The following SUN2 variants were observed in gnomAD, a reference collection of about 807,000 sequenced individuals.
SUN2 encodes the protein SUN domain-containing protein 2.
A neutral mutation model predicts 100.0 loss-of-function variants in SUN2; 60 were observed. The ratio of observed to expected loss-of-function variants is 0.60; its 90% CI spans 0.49 to 0.74. The LOEUF is 0.74. Ranked by LOEUF, SUN2 falls within the 30% of genes least tolerant of loss-of-function variation. The pLI, the probability that SUN2 is intolerant of heterozygous loss-of-function variation, is 0.00. For synonymous variants in SUN2, 367 were observed against 403.3 expected (o/e 0.91, Z 1.08); for missense variants, 834 against 954.6 (o/e 0.87, Z 1.66).
At position 38,739,028 on chromosome 22, in the gene SUN2, G is replaced by C; in HGVS notation, c.1664-40C>G. On this transcript the variant is annotated intron_variant, in intron 14 of 17. Transcript: ENST00000689035. The surrounding 1 kb of genome is among the most constrained non-coding windows in gnomAD (Gnocchi z 6.7). ...GAAGGCAGGGTGGGCTCCCGCACGG[G>C]AGGAGGGCCCCGCTCAGGCCATTGG... 4.5e-6 allele frequency: 7 copies of C among 1,567,848 alleles called. No individual in the cohort carries two copies. Among genetic ancestry groups the C allele is most frequent in the East Asian group, 2.4e-5 (1 of 42,412 alleles).
At chr22:38,736,416 A>G in intron 17 of SUN2, 36 bp from the exon 18 acceptor site, 1 of 1,549,404 alleles carries the variant, frequency 6.5e-7, no homozygotes, top group Non-Finnish European at 8.8e-7. Flanking sequence ...AGCATCAGAG[A>G]CCTGTGAGGC....
At chr22:38,743,853 A>G (rs965568344) in intron 8 of SUN2, 1 of 152,260 alleles carries the variant, frequency 6.6e-6, no homozygotes, top group African/African-American at 2.4e-5. Flanking sequence ...TTGTAAAATA[A>G]TAAGATCATG....
Position 38,750,301 on chromosome 22 carries a change from C to T in SUN2, c.444G>A (p.Gln148=). The T allele has an allele frequency of 6.2e-7, 1 of 1,613,980 alleles. No homozygotes were observed. Among genetic ancestry groups the T allele is most frequent in the Non-Finnish European group, 8.5e-7 (1 of 1,180,026 alleles). ...TTCGGAGCCGCGAGCTGGAACTCTG[C>T]TGGTCCACATCCGAGTAGCCTGCGG... ...DDYVGYSDVD[Q]QSSSSRLRSA... The change falls in exon 5 of 18, where the codon CAG becomes CAA. Residue 148 remains glutamine (Q), a synonymous_variant. Coordinates refer to ENST00000689035, the MANE Select transcript of SUN2 (RefSeq NM_015374.3).
chr22:38,740,220 A>C lies in SUN2; in HGVS notation c.1356+47T>G, dbSNP rs767869816. Reference sequence around the variant, plus strand: ...TGCAGGCCCCAGGACACGTCGTCTCAAAGGAGGAGGAGAGGGACCAGCAGG... The same window carrying C: ...TGCAGGCCCCAGGACACGTCGTCTCCAAGGAGGAGGAGAGGGACCAGCAGG... On this transcript the variant is annotated intron_variant, in intron 12 of 17. Transcript: ENST00000689035. This position sits in a 1 kb window ranked among gnomAD's most constrained non-coding sequence, Gnocchi z 4.8. 8 of 1,493,472 alleles carry C rather than the reference A, an allele frequency of 5.4e-6. No homozygotes were observed. The highest frequency in any genetic ancestry group is 7.2e-6 in the Non-Finnish European group (8 of 1,118,684). The allele number at this position is 1,493,472 out of a possible 1,614,324, so 92.5% of individuals were successfully genotyped here.
intron 1 of SUN2, 94 bp from the exon 2 acceptor site, chr22:38,752,759 C>G: frequency 7.2e-7 from 1 of 1,387,830 alleles, no homozygotes. Flanking sequence ...GCCTCACAGC[C>G]GAGAACAGAC....
rs150115207 is a variant in SUN2, at chr22:38,739,908, G to A, written c.1392C>T (p.Phe464=). 16 of 1,612,530 alleles carry A rather than the reference G, an allele frequency of 9.9e-6. No homozygotes were observed. Among genetic ancestry groups the A allele is most frequent in the South Asian group, 2.2e-5 (2 of 91,094 alleles). Residue 464 remains phenylalanine (F), a synonymous_variant, in exon 13 of 18, where the codon TTC becomes TTT. Transcript: ENST00000689035. The surrounding 1 kb of genome is among the most constrained non-coding windows in gnomAD (Gnocchi z 6.7). ...ESQFPAWISQ[F]LARGGGGRVG... ...CGCGGCCCCCTCCACCTCGGGCAAG[G>A]AACTGACTGATCCAGGCCGGGAACT...
At chr22:38,754,606 C>T in intron 1 of SUN2, 5 of 441,314 alleles carry the variant, frequency 1.1e-5, no homozygotes, top group Admixed American at 2.6e-5. Context: ...GGTAATCTCC[C>T]CTCCCCCCTC....
Position 38,748,695 on chromosome 22 carries a change from C to T in SUN2, c.685+18G>A. The stretch of plus-strand genomic sequence containing the variant: ...ACACATCTCTGTGCCTCCCTCTGCT[C>T]TCCCCATGCAGGCTCACCATACGTC... On this transcript the variant is annotated intron_variant, in intron 7 of 17. Transcript: ENST00000689035. 6.2e-7 allele frequency: 1 copy of T among 1,614,152 alleles called. No homozygotes were observed. Among genetic ancestry groups the T allele is most frequent in the Non-Finnish European group, 8.5e-7 (1 of 1,179,972 alleles).
At position 38,741,029 on chromosome 22, in the gene SUN2, G is replaced by GGA; in HGVS notation, c.1167_1168insTC (p.Gln390SerfsTer3). ...TACCTTTGCCACTCTGACTTCAGCT[G>GGA]CTGGATGCGAGCCTCGGACTCCTGT... On this transcript the variant is annotated frameshift_variant, in exon 11 of 18. Coordinates refer to ENST00000689035, the MANE Select transcript of SUN2 (RefSeq NM_015374.3). LOFTEE classifies it high-confidence loss of function. 1 of 1,598,458 alleles carries GGA rather than the reference G, an allele frequency of 6.3e-7. No individual in the cohort carries two copies.
At position 38,739,479 on chromosome 22, in the gene SUN2, T is replaced by C. The variant is rs576113420; in HGVS notation, c.1579-53A>G. On this transcript the variant is annotated intron_variant, in intron 13 of 17. Coordinates refer to ENST00000689035, the MANE Select transcript of SUN2 (RefSeq NM_015374.3). The surrounding 1 kb of genome is among the most constrained non-coding windows in gnomAD (Gnocchi z 6.7). Reference sequence around the variant, plus strand: ...GCAGCAGGGAGCAGACGTGTCCCCCTGTCACCTCGTGGCCGTGGGCCAAGG... The same window carrying C: ...GCAGCAGGGAGCAGACGTGTCCCCCCGTCACCTCGTGGCCGTGGGCCAAGG... 6.3e-7 allele frequency: 1 copy of C among 1,589,998 alleles called. No homozygotes were observed. The highest frequency in any genetic ancestry group is 1.3e-5 in the African/African-American group (1 of 74,512).
chr22:38,747,255 C>G (rs1211453283), intron 7 of SUN2, among the ~76,000 whole-genome samples: 1 of 151,556 alleles, frequency 6.6e-6, no homozygotes, highest in Non-Finnish European at 1.5e-5. Context: ...TCGCTTGAAC[C>G]CGGGAGGTGG....
At chr22:38,741,468 G>A (rs1306996045) in intron 10 of SUN2, 26 bp downstream of exon 10, 1 of 1,610,994 alleles carries the variant, frequency 6.2e-7, no homozygotes, top group African/African-American at 1.3e-5. Context: ...CCAGTCACAG[G>A]CCCTGAGTGC....
At chr22:38,743,774 T>G (rs2092879743) in intron 8 of SUN2, 1 of 152,224 alleles carries the variant, frequency 6.6e-6, no homozygotes, top group Non-Finnish European at 1.5e-5. Flanking sequence ...AAGATGGTTC[T>G]GAAATTGAAC....
chr22:38,749,137 C>T lies in SUN2; in HGVS notation c.615-354G>A, dbSNP rs2092925094. On this transcript the variant is annotated intron_variant, in intron 6 of 17. Coordinates refer to ENST00000689035, the MANE Select transcript of SUN2 (RefSeq NM_015374.3). ...ACAACAAGGAACCTGTTTTTGGTGA[C>T]ACAAACCCATCCTTGCCCCTTGTTT... 3 of 240,442 alleles carry T rather than the reference C, an allele frequency of 1.2e-5. No homozygotes were observed. In the South Asian group the frequency reaches 2.4e-4, roughly 19 times the overall value. 14.9% of individuals were successfully genotyped at this position (240,442 alleles called of 1,614,324 possible). A position where few individuals can be genotyped will look rare whatever the true frequency, so the allele number is the denominator to read the frequency against.
Position 38,745,825 on chromosome 22 carries a change from A to C in SUN2, c.686-14T>G, listed in dbSNP as rs1208173941. On this transcript the variant is annotated splice_polypyrimidine_tract_variant and intron_variant, in intron 7 of 17. Transcript: ENST00000689035. ...AATACCAAGCACCTGTGCACAGGGG[A>C]GAGGGTGTTACCCCAGCTGGGCCTC... 1 of 1,612,660 alleles carries C rather than the reference A, an allele frequency of 6.2e-7. No individual in the cohort carries two copies. The highest frequency in any genetic ancestry group is 1.3e-5 in the African/African-American group (1 of 75,062).
chr22:38,736,530 C>T, intron 17 of SUN2, 150 bp from the exon 18 acceptor site: 1 of 591,488 alleles, frequency 1.7e-6, no homozygotes, highest in Non-Finnish European at 2.9e-6. Flanking sequence ...TTCAAAAGCT[C>T]CTATCTTTAG....
chr22:38,749,088 A>G (rs2092924857), intron 6 of SUN2: 1 of 325,016 alleles, frequency 3.1e-6, no homozygotes. Context: ...GCAAATATAG[A>G]AAAAAAAAGT....
intron 8 of SUN2, 32 bp downstream of exon 8, chr22:38,745,652 G>A (rs745501499): frequency 4.7e-5 from 75 of 1,610,922 alleles, no homozygotes; most frequent in Non-Finnish European, 6.0e-5. Context: ...TTATTGCTAA[G>A]CTCTTGGGAG....
At chr22:38,751,584 G>A (rs1437991082) in intron 2 of SUN2, 2 of 578,064 alleles carry the variant, frequency 3.5e-6, no homozygotes, top group Non-Finnish European at 6.1e-6. Context: ...GGGCAAGACG[G>A]GCAGCGGCAG....
Sources: allele counts gnomAD v4.1 joint callset (sites outside exome capture counted in the v4.1 genomes callset), GRCh38; gene constraint gnomAD v4.1.1; non-coding constraint Gnocchi (gnomAD v3.1); transcripts MANE v1.5; gene names NCBI Gene and HGNC (gene_info 2026-07-23, HGNC 2026-07-21).